Variants in PADI4 observed in about 807,000 individuals in gnomAD.
PADI4 encodes the protein protein-arginine deiminase type-4.
A neutral mutation model predicts 75.0 loss-of-function variants in PADI4; 62 were observed. The observed-to-expected ratio is 0.83, with a 90% CI of 0.67 to 1.02. The LOEUF (loss-of-function observed/expected upper bound fraction) is 1.02. Ranked by LOEUF, PADI4 falls within the 50% of genes least tolerant of loss-of-function variation. PADI4 has a pLI of 0.00. For missense variants in PADI4, 845 were observed against 850.5 expected (o/e 0.99, Z 0.08); for synonymous variants, 361 against 348.1 (o/e 1.04, Z -0.41).
intron 13 of PADI4, 49 bp from the exon 14 acceptor site, chr1:17,358,789 A>G (rs746637006): frequency 7.8e-7 from 1 of 1,290,070 alleles, no homozygotes; most frequent in Non-Finnish European, 1.1e-6. Context: ...GGAAGAGGGA[A>G]ATCGACCTCT....
intron 15 of PADI4, among the ~76,000 whole-genome samples, chr1:17,361,529 G>A (rs549794844): frequency 6.6e-6 from 1 of 152,324 alleles, no homozygotes; most frequent in African/African-American, 2.4e-5. Context: ...TCTAGGCGGT[G>A]GCCCCCTTGA....
chr1:17,337,020 A>G (rs1294333290), intron 4 of PADI4, among the ~76,000 whole-genome samples: 1 of 152,274 alleles, frequency 6.6e-6, no homozygotes, highest in Non-Finnish European at 1.5e-5. Context: ...TAAGAATAGT[A>G]CCACACTTTG....
chr1:17,338,090 G>A lies in PADI4; in HGVS notation c.461G>A (p.Cys154Tyr). 2 of 1,613,766 alleles carry A rather than the reference G, an allele frequency of 1.2e-6. No individual in the cohort carries two copies. Among genetic ancestry groups the A allele is most frequent in the Non-Finnish European group, 1.7e-6 (2 of 1,179,744 alleles). Residue 154 changes from cysteine to tyrosine, a missense_variant, in exon 5 of 16, where the codon TGT becomes TAT. Physicochemically the swap from Cys to Tyr is radical, Grantham distance 194. Coordinates refer to ENST00000375448, the MANE Select transcript of PADI4 (RefSeq NM_012387.3). ...CAGGGTGCCATCCTGCTGGTGAACT[G>A]TGACAGAGACAATCTCGAATCTTCT... is the stretch of plus-strand genomic sequence containing the variant. ...CGQGAILLVN[C>Y]DRDNLESSAM... is the part of the protein sequence containing the mutation.
chr1:17,313,233 C>T (rs2073871363), intron 1 of PADI4, among the ~76,000 whole-genome samples: 1 of 151,548 alleles, frequency 6.6e-6, no homozygotes, highest in African/African-American at 2.4e-5. Flanking sequence ...GGCGTGGTAG[C>T]TCATGCCTGT....
intron 10 of PADI4, among the ~76,000 whole-genome samples, chr1:17,349,162 C>T (rs1465500213): frequency 2.6e-5 from 4 of 152,166 alleles, no homozygotes; most frequent in Admixed American, 6.5e-5. Context: ...AGCGTTGGGG[C>T]GAACCAGCCA....
intron 15 of PADI4, among the ~76,000 whole-genome samples, chr1:17,362,749 T>C (rs1272819891): frequency 2.6e-5 from 4 of 152,228 alleles, no homozygotes; most frequent in African/African-American, 9.6e-5. Flanking sequence ...AGTCCAAGTA[T>C]AGCTGGGTGG....
At chr1:17,352,863 G>C (rs1169570656) in intron 10 of PADI4, among the ~76,000 whole-genome samples, 2 of 152,210 alleles carry the variant, frequency 1.3e-5, no homozygotes, top group Non-Finnish European at 2.9e-5. Context: ...GCGAACATGA[G>C]GGTTGTCGGC....
At chr1:17,331,735 C>T (rs1438669397) in intron 2 of PADI4, among the ~76,000 whole-genome samples, 1 of 152,040 alleles carries the variant, frequency 6.6e-6, no homozygotes, top group Non-Finnish European at 1.5e-5. Context: ...CTGGCCAACA[C>T]GGTGAAACCC....
At chr1:17,322,726 G>A (rs1284491670) in intron 1 of PADI4, among the ~76,000 whole-genome samples, 1 of 152,036 alleles carries the variant, frequency 6.6e-6, no homozygotes, top group Non-Finnish European at 1.5e-5. Flanking sequence ...GTCCCAAGAT[G>A]TATTTTCCTT....
At chr1:17,340,310 A>C (rs1257669006) in intron 6 of PADI4, among the ~76,000 whole-genome samples, 1 of 152,232 alleles carries the variant, frequency 6.6e-6, no homozygotes, top group Middle Eastern at 3.4e-3. Flanking sequence ...TAGGTAAAAT[A>C]ATTACATAAA....
At chr1:17,352,797 G>A (rs1280547626) in intron 10 of PADI4, among the ~76,000 whole-genome samples, 1 of 152,220 alleles carries the variant, frequency 6.6e-6, no homozygotes, top group East Asian at 1.9e-4. Flanking sequence ...CAAATGGGAA[G>A]TCAAGTGAGC....
chr1:17,363,562 A>C lies in PADI4; in HGVS notation c.1799A>C (p.Lys600Thr). The C allele has an allele frequency of 6.2e-7, 1 of 1,614,066 alleles. No individual in the cohort carries two copies. Among genetic ancestry groups the C allele is most frequent in the South Asian group, 1.1e-5 (1 of 91,054 alleles). The change falls in exon 16 of 16, where the codon AAG becomes ACG. Residue 600 changes from lysine (K) to threonine (T), a missense_variant. By Grantham distance (78) the Lys-to-Thr change is moderately conservative. Coordinates refer to ENST00000375448, the MANE Select transcript of PADI4 (RefSeq NM_012387.3). ...CTAGGGAAGCACCTGGGCATCCCCA[A>C]GCCCTTCGGGCCCGTCATCAACGGC... ...LVLGKHLGIP[K>T]PFGPVINGRC... is the part of the protein sequence containing the mutation.
chr1:17,334,229 A>G (rs778766022), intron 3 of PADI4: 36 of 552,906 alleles, frequency 6.5e-5, no homozygotes, highest in Middle Eastern at 9.7e-4. Context: ...GGTGCGGGGA[A>G]TTTTAATTAT....
chr1:17,318,473 G>A (rs1482170319), intron 1 of PADI4, among the ~76,000 whole-genome samples: 2 of 152,146 alleles, frequency 1.3e-5, no homozygotes, highest in Non-Finnish European at 2.9e-5. Context: ...GTGTCAGGAC[G>A]GGAGAAGGTG....
At position 17,356,445 on chromosome 1, in the gene PADI4, T is replaced by C. The variant is rs1244957146; in HGVS notation, c.1544T>C (p.Phe515Ser). 2 of 1,606,322 alleles carry C rather than the reference T, an allele frequency of 1.2e-6. No homozygotes were observed. Among genetic ancestry groups the C allele is most frequent in the Non-Finnish European group, 1.7e-6 (2 of 1,173,306 alleles). ...QNEGHGEALL[F>S]EGIKKKKQQK... ...GAGGGCCACGGGGAGGCCCTGCTGT[T>C]CGAAGGGATCAAGAGTAAGTCGGCC... is the stretch of plus-strand genomic sequence containing the variant. Residue 515 changes from phenylalanine (F) to serine (S), a missense_variant, in exon 13 of 16, where the codon TTC (phenylalanine) becomes TCC (serine). By Grantham distance (155) the Phe-to-Ser change is radical (BLOSUM62 -2). Coordinates refer to ENST00000375448, the MANE Select transcript of PADI4 (RefSeq NM_012387.3). The surrounding 1 kb of genome is among the most constrained non-coding windows in gnomAD (Gnocchi z 4.1).
At chr1:17,347,324 G>T (rs746148519) in intron 9 of PADI4, among the ~76,000 whole-genome samples, 1 of 152,162 alleles carries the variant, frequency 6.6e-6, no homozygotes, top group Non-Finnish European at 1.5e-5. Context: ...ACTTTCATCT[G>T]GTTCATCCTA....
At chr1:17,319,649 C>CTGGGATCAATTTAATTATTTTT (rs2074000304) in intron 1 of PADI4, among the ~76,000 whole-genome samples, 1 of 152,120 alleles carries the variant, frequency 6.6e-6, no homozygotes, top group Non-Finnish European at 1.5e-5. Flanking sequence ...ATCAGGCAGC[C>CTGGGATCAATTTAATTATTTTT]CCTTTTACCC....
intron 4 of PADI4, 54 bp from the exon 5 acceptor site, chr1:17,337,984 G>A (rs201860589): frequency 9.7e-5 from 96 of 994,800 alleles, no homozygotes; most frequent in East Asian, 3.6e-4. Flanking sequence ...TCTTGCAAGA[G>A]TTGGAGGGCT....
intron 6 of PADI4, among the ~76,000 whole-genome samples, chr1:17,340,753 A>T (rs1045411892): frequency 3.7e-4 from 55 of 146,948 alleles, no homozygotes; most frequent in African/African-American, 1.3e-3. Flanking sequence ...CCTGACAATC[A>T]TTCTGATCCT....
Sources: gnomAD v4.1 joint callset for allele counts (sites outside exome capture counted in the v4.1 genomes callset) on GRCh38, gnomAD v4.1.1 for gene constraint, Gnocchi (gnomAD v3.1) non-coding constraint, MANE v1.5 for transcripts, NCBI Gene and HGNC (gene_info 2026-07-23, HGNC 2026-07-21) for gene names.